The following BBS1 variants were observed in gnomAD, a reference collection of about 807,000 sequenced individuals.
The protein encoded by BBS1 is BBSome complex member BBS1.
A neutral mutation model predicts 73.9 loss-of-function variants in BBS1; 60 were observed. The observed-to-expected ratio is 0.81, with a 90% CI of 0.66 to 1.01. BBS1 has a LOEUF of 1.01. Among genes scored for constraint, BBS1 ranks in the 50% least tolerant of loss-of-function variants. BBS1 has a pLI of 0.00. For missense variants in BBS1, 718 were observed against 770.3 expected (o/e 0.93, Z 0.80); for synonymous variants, 283 against 317.4 (o/e 0.89, Z 1.15).
intron 7 of BBS1, 80 bp downstream of exon 7, chr11:66,516,013 T>C: frequency 5.6e-6 from 8 of 1,428,964 alleles, no homozygotes; most frequent in Non-Finnish European, 7.9e-6. Context: ...AGTGGTAAAT[T>C]CTATAAGCAA....
At chr11:66,513,511 C>T (rs1855991127) in intron 3 of BBS1, among the ~76,000 whole-genome samples, 1 of 152,008 alleles carries the variant, frequency 6.6e-6, no homozygotes, top group African/African-American at 2.4e-5. Flanking sequence ...ATAATGGTGC[C>T]TACTTCATAA....
At chr11:66,524,898 TAAAC>T (rs1856415612) in intron 11 of BBS1, among the ~76,000 whole-genome samples, 1 of 151,438 alleles carries the variant, frequency 6.6e-6, no homozygotes, top group South Asian at 2.1e-4. Flanking sequence ...CTACTAAAAA[TAAAC>T]AAATTAGCCG....
chr11:66,520,240 GTCTT>G (rs1282743385), intron 8 of BBS1: 1 of 168,076 alleles, frequency 5.9e-6, no homozygotes, highest in Admixed American at 5.6e-5. Context: ...TATCATCAGT[GTCTT>G]TCTATATCTA....
intron 11 of BBS1, 88 bp downstream of exon 11, chr11:66,523,970 AT>A: frequency 6.4e-7 from 1 of 1,561,076 alleles, no homozygotes; most frequent in Non-Finnish European, 8.7e-7. Flanking sequence ...CCGACCACAC[AT>A]TGATGCATTT....
intron 8 of BBS1, 25 bp from the exon 9 acceptor site, chr11:66,521,245 G>C (rs368073453): frequency 6.3e-7 from 1 of 1,579,694 alleles, no homozygotes; most frequent in Non-Finnish European, 8.7e-7. Flanking sequence ...AGAGAAATTG[G>C]AGTGTTTGCG....
chr11:66,526,338 A>G, intron 12 of BBS1, 146 bp downstream of exon 12: 1 of 877,342 alleles, frequency 1.1e-6, no homozygotes, highest in East Asian at 2.6e-5. Context: ...TTCTGGAGCT[A>G]GGCCTCCACT....
chr11:66,523,972 T>G (rs1856370408), intron 11 of BBS1, 90 bp downstream of exon 11: 4 of 1,562,362 alleles, frequency 2.6e-6, no homozygotes, highest in South Asian at 2.2e-5. Flanking sequence ...GACCACACAT[T>G]GATGCATTTC....
In BBS1 at chr11:66,514,301, A is replaced by G. The variant is rs186108712; in HGVS notation, c.160-105A>G. On this transcript the variant is annotated intron_variant, in intron 3 of 16. Coordinates refer to ENST00000318312, the MANE Select transcript of BBS1 (RefSeq NM_024649.5). ...TTGAAAGCCTGAGGGCAAAGCCTTT[A>G]TTGGTGCAGGAATGAATGAATGTGC... 160 of 1,457,948 alleles carry G rather than the reference A, an allele frequency of 1.1e-4. No homozygotes were observed. The African/African-American group carries it at 2.1e-3, about 19-fold the overall frequency. 90.3% of individuals were successfully genotyped at this position (1,457,948 alleles called of 1,614,324 possible).
At chr11:66,514,809 A>T in intron 4 of BBS1, 131 bp downstream of exon 4, 1 of 1,019,648 alleles carries the variant, frequency 9.8e-7, no homozygotes. Flanking sequence ...TGACAGCAGC[A>T]GTGATGGCAC....
rs768098877 is a variant in BBS1, at chr11:66,531,731, G to T, written c.1684G>T (p.Asp562Tyr). The T allele has an allele frequency of 5.6e-6, 9 of 1,613,902 alleles. No individual in the cohort carries two copies. The Admixed American group carries it at 1.5e-4, about 27-fold the overall frequency. ...VESLSNKGIS[D>Y]IIKVLVLREG... is the part of the protein sequence containing the mutation. ...GAGTCTCAGTAACAAGGGCATCTCA[G>T]ACATCATCAAGGTAGGCCCCGCACT... Residue 562 changes from aspartate to tyrosine, a missense_variant, in exon 16 of 17, where the codon GAC (aspartate) becomes TAC (tyrosine). Transcript: ENST00000318312.
At chr11:66,528,869 G>GATTAC (rs1856632182) in intron 13 of BBS1, among the ~76,000 whole-genome samples, 1 of 150,424 alleles carries the variant, frequency 6.6e-6, no homozygotes. Context: ...TCGGGAGGCT[G>GATTAC]AGGCAGGAGA....
At position 66,523,493 on chromosome 11, in the gene BBS1, G is replaced by A. The variant is rs759166794; in HGVS notation, c.868G>A (p.Ala290Thr). ...CCCCAAGTACTGCATCGAGCTGAGC[G>A]CCCAGCCTGTGGGACTTATCCGGGT... ...KHPKYCIELS[A>T]QPVGLIRVHK... The change falls in exon 10 of 17, where the codon GCC becomes ACC. Residue 290 changes from alanine (A) to threonine (T), a missense_variant. Coordinates refer to ENST00000318312, the MANE Select transcript of BBS1 (RefSeq NM_024649.5). The A allele has an allele frequency of 5.6e-6, 9 of 1,614,068 alleles. No homozygotes were observed. The highest frequency in any genetic ancestry group is 3.3e-5 in the South Asian group (3 of 91,066).
Position 66,510,667 on chromosome 11 carries a change from C to G in BBS1, c.8C>G (p.Ala3Gly). The G allele has an allele frequency of 6.2e-7, 1 of 1,614,188 alleles. No individual in the cohort carries two copies. The highest frequency in any genetic ancestry group is 8.5e-7 in the Non-Finnish European group (1 of 1,180,028). Residue 3 changes from alanine to glycine, a missense_variant, in exon 1 of 17, where the codon GCT becomes GGT. Transcript: ENST00000318312. ...AGGACGACGCCTGCGAAGATGGCCG[C>G]TGCGTCCTCATCGGATTCCGACGCC... MA[A>G]ASSSDSDACG...
In BBS1 at chr11:66,526,668, G is replaced by A. The variant is rs761389294; in HGVS notation, c.1200G>A (p.Lys400=). ...CCCTAGGTGGTGGCCTGATCATCAA[G>A]ATCCTGAAGCGTACAGCAGTGTTTG... The part of the protein sequence containing the change: ...MTTRGGGLII[K]ILKRTAVFVE... The change falls in exon 13 of 17, where the codon AAG becomes AAA. Residue 400 remains lysine, a synonymous_variant. Transcript: ENST00000318312. 2 of 1,614,222 alleles carry A rather than the reference G, an allele frequency of 1.2e-6. No individual in the cohort carries two copies. Among genetic ancestry groups the A allele is most frequent in the Non-Finnish European group, 1.7e-6 (2 of 1,180,040 alleles).
At chr11:66,524,106 C>T in intron 11 of BBS1, 1 of 593,060 alleles carries the variant, frequency 1.7e-6, no homozygotes, top group Admixed American at 2.6e-5. Flanking sequence ...ATGGCATAAC[C>T]CCCTTGCTAC....
chr11:66,524,229 A>G, intron 11 of BBS1: 1 of 368,028 alleles, frequency 2.7e-6, no homozygotes, highest in Non-Finnish European at 5.3e-6. Flanking sequence ...GCAGTGAGCC[A>G]AGATCAAACC....
chr11:66,521,368 T>G lies in BBS1; in HGVS notation c.822T>G (p.Ile274Met). The G allele has an allele frequency of 6.2e-7, 1 of 1,614,024 alleles. No homozygotes were observed. The highest frequency in any genetic ancestry group is 8.5e-7 in the Non-Finnish European group (1 of 1,179,864). ...CCTGCCGCAATGGAAACATCTATATTCTGAGAAGGTAGCCACATCCGTGGT... is the reference window on the plus strand; with the variant it reads ...CCTGCCGCAATGGAAACATCTATATGCTGAGAAGGTAGCCACATCCGTGGT... ...AAACRNGNIYILRRDSKHPKY... is the reference protein window; with the variant it reads ...AAACRNGNIYMLRRDSKHPKY... The change falls in exon 9 of 17, where the codon ATT becomes ATG. Residue 274 changes from isoleucine (I) to methionine (M), a missense_variant. Physicochemically the swap from Ile to Met is conservative, Grantham distance 10. Transcript: ENST00000318312.
chr11:66,531,781 ACC>A, intron 16 of BBS1, 39 bp downstream of exon 16: 1 of 1,612,310 alleles, frequency 6.2e-7, no homozygotes, highest in Non-Finnish European at 8.5e-7. Context: ...GGTGAGCAGG[ACC>A]CTGGGGAGGA....
At chr11:66,529,771 C>T (rs1209713391) in intron 13 of BBS1, 48 bp from the exon 14 acceptor site, 2 of 1,606,046 alleles carry the variant, frequency 1.2e-6, no homozygotes, top group Non-Finnish European at 1.7e-6. Flanking sequence ...TGCCTCCTCC[C>T]TGCCACCCCC....
Sources: allele counts gnomAD v4.1 joint callset (sites outside exome capture counted in the v4.1 genomes callset), GRCh38; gene constraint gnomAD v4.1.1; transcripts MANE v1.5; gene names NCBI Gene and HGNC (gene_info 2026-07-23, HGNC 2026-07-21).